The following NLRP1 variants were observed in gnomAD, a reference collection of about 807,000 sequenced individuals.
The protein encoded by NLRP1 is NACHT, LRR and PYD domains-containing protein 1.
A neutral mutation model predicts 136.7 loss-of-function variants in NLRP1; 94 were observed. The ratio of observed to expected loss-of-function variants is 0.69; its 90% CI spans 0.58 to 0.82. The LOEUF is 0.82. Ranked by LOEUF, NLRP1 falls within the 40% of genes least tolerant of loss-of-function variation. The pLI is 0.00. For missense variants in NLRP1, 1,575 were observed against 1,802.7 expected, an observed-to-expected ratio of 0.87 and a Z score of 2.29; for synonymous variants, 690 against 725.1, an observed-to-expected ratio of 0.95 and a Z score of 0.78.
chr17:5,578,909 C>T (rs1597487396), intron 3 of NLRP1, among the ~76,000 whole-genome samples: 2 of 152,298 alleles, frequency 1.3e-5, no homozygotes, highest in Admixed American at 1.3e-4. Context: ...GGCACATATA[C>T]ACCATGGAAT....
intron 4 of NLRP1, among the ~76,000 whole-genome samples, chr17:5,557,944 C>T (rs184176039): frequency 3.9e-5 from 6 of 152,012 alleles, no homozygotes; most frequent in South Asian, 2.1e-4. Flanking sequence ...GCAATTTCTC[C>T]GAGAGAATGA....
chr17:5,545,141 C>T (rs186493232), intron 5 of NLRP1, among the ~76,000 whole-genome samples: 1 of 152,234 alleles, frequency 6.6e-6, no homozygotes, highest in East Asian at 1.9e-4. Context: ...TTAAGGTCAG[C>T]TGCATTAAAC....
intron 5 of NLRP1, among the ~76,000 whole-genome samples, chr17:5,552,001 C>T (rs996444681): frequency 6.6e-6 from 1 of 151,562 alleles, no homozygotes; most frequent in Non-Finnish European, 1.5e-5. Context: ...TCTCAAACTC[C>T]TGGCCTAAGG....
At chr17:5,554,099 T>C (rs993981478) in intron 4 of NLRP1, among the ~76,000 whole-genome samples, 1 of 151,584 alleles carries the variant, frequency 6.6e-6, no homozygotes, top group Admixed American at 6.6e-5. Context: ...GGCCTGAGGA[T>C]GTTGTGATGG....
chr17:5,574,815 T>C (rs138166039), intron 3 of NLRP1, among the ~76,000 whole-genome samples: 2,696 of 151,916 alleles, frequency 0.018, 74 homozygotes, highest in African/African-American at 0.062. Flanking sequence ...GTGCCCGCCA[T>C]CACGCCCGGC....
At position 5,517,745 on chromosome 17, in the gene NLRP1, C is replaced by T. The variant is rs754501197; in HGVS notation, c.4057+1G>A. 6.1e-5 allele frequency: 98 copies of T among 1,614,038 alleles called. No individual in the cohort carries two copies. The highest frequency in any genetic ancestry group is 8.1e-5 in the Non-Finnish European group (96 of 1,180,014). On this transcript the variant is annotated splice_donor_variant, in intron 15 of 16. Transcript: ENST00000572272. LOFTEE classifies it high-confidence loss of function. The stretch of plus-strand genomic sequence containing the variant: ...GTTCTCTGGAATTGTCCTGGATTTA[C>T]CTGGTTTCACCAAGGCCTCCCACAC...
At chr17:5,521,250 TG>T (rs1263563575) in intron 13 of NLRP1, among the ~76,000 whole-genome samples, 2 of 152,216 alleles carry the variant, frequency 1.3e-5, no homozygotes, top group Admixed American at 6.5e-5. Context: ...GTTTTAGGCA[TG>T]GAGGACTCCA....
intron 3 of NLRP1, among the ~76,000 whole-genome samples, chr17:5,574,514 C>T (rs901671805): frequency 6.6e-6 from 1 of 152,038 alleles, no homozygotes. Flanking sequence ...GTCAGATTCA[C>T]CAAAGCTGAA....
intron 3 of NLRP1, among the ~76,000 whole-genome samples, chr17:5,577,554 G>GA (rs1905142105): frequency 6.6e-6 from 1 of 152,116 alleles, no homozygotes; most frequent in South Asian, 2.1e-4. Flanking sequence ...ACTTACAAAG[G>GA]ATGTGAAGGA....
chr17:5,507,817 C>T (rs762061542), intron 15 of NLRP1, among the ~76,000 whole-genome samples: 5 of 151,714 alleles, frequency 3.3e-5, no homozygotes, highest in Admixed American at 6.6e-5. Context: ...GGCAACAAAG[C>T]GAGACTCCGT....
At chr17:5,520,821 G>C in intron 14 of NLRP1, 60 bp downstream of exon 14, 1 of 1,443,816 alleles carries the variant, frequency 6.9e-7, no homozygotes. Context: ...TGCCCCACAG[G>C]CATTCATTCC....
intron 5 of NLRP1, among the ~76,000 whole-genome samples, chr17:5,550,720 C>T (rs1216281813): frequency 1.3e-5 from 2 of 151,826 alleles, no homozygotes; most frequent in African/African-American, 2.4e-5. Context: ...TATTTCTTTC[C>T]CCCTGCTTGC....
Position 5,514,405 on chromosome 17 carries a change from A to G in NLRP1, c.*349T>C. 8.9e-7 allele frequency: 1 copy of G among 1,126,010 alleles called. No homozygotes were observed. The highest frequency in any genetic ancestry group is 1.1e-6 in the Non-Finnish European group (1 of 913,474). 69.8% of individuals were successfully genotyped at this position (1,126,010 alleles called of 1,614,324 possible). ...TTGGGGCTCACCCTGTGACACAGCC[A>G]GAGGCAAATGGTTCCATGTCCCTCC... On this transcript the variant is annotated 3_prime_UTR_variant, in exon 17 of 17. Coordinates refer to ENST00000572272, the MANE Select transcript of NLRP1 (RefSeq NM_033004.4).
At position 5,514,408 on chromosome 17, in the gene NLRP1, G is replaced by A; in HGVS notation, c.*346C>T. 8.8e-7 allele frequency: 1 copy of A among 1,129,996 alleles called. No individual in the cohort carries two copies. The highest frequency in any genetic ancestry group is 1.1e-6 in the Non-Finnish European group (1 of 915,888). The allele number at this position is 1,129,996 out of a possible 1,614,324, so 70.0% of individuals were successfully genotyped here. A position where few individuals can be genotyped will look rare whatever the true frequency, so the allele number is the denominator to read the frequency against. ...GGGCTCACCCTGTGACACAGCCAGA[G>A]GCAAATGGTTCCATGTCCCTCCTAT... is the stretch of plus-strand genomic sequence containing the variant. On this transcript the variant is annotated 3_prime_UTR_variant, in exon 17 of 17. Coordinates refer to ENST00000572272, the MANE Select transcript of NLRP1 (RefSeq NM_033004.4).
chr17:5,576,653 G>T (rs115928004), intron 3 of NLRP1, among the ~76,000 whole-genome samples: 2,658 of 151,502 alleles, frequency 0.018, 63 homozygotes, highest in African/African-American at 0.061. Flanking sequence ...CAATCCAGAC[G>T]GATTCACAGC....
intron 15 of NLRP1, among the ~76,000 whole-genome samples, chr17:5,507,111 A>G (rs1907383090): frequency 6.6e-6 from 1 of 152,118 alleles, no homozygotes; most frequent in South Asian, 2.1e-4. Context: ...ATGGGGAATT[A>G]TTATTTAATG....
At chr17:5,557,697 C>T (rs376296993) in intron 4 of NLRP1, among the ~76,000 whole-genome samples, 3 of 152,120 alleles carry the variant, frequency 2.0e-5, no homozygotes, top group African/African-American at 4.8e-5. Context: ...GTCGGGGAAC[C>T]GGGATGGGGA....
chr17:5,577,501 C>T (rs1905139428), intron 3 of NLRP1, among the ~76,000 whole-genome samples: 1 of 152,220 alleles, frequency 6.6e-6, no homozygotes, highest in Non-Finnish European at 1.5e-5. Context: ...AGTGAACTTG[C>T]ATTCACAATT....
chr17:5,570,855 A>G (rs753219533), intron 3 of NLRP1, among the ~76,000 whole-genome samples: 1 of 152,204 alleles, frequency 6.6e-6, no homozygotes, highest in Non-Finnish European at 1.5e-5. Context: ...AGCTGCAAAA[A>G]TCTTCAGCAA....
Sources: gnomAD v4.1 joint callset for allele counts (sites outside exome capture counted in the v4.1 genomes callset) on GRCh38, gnomAD v4.1.1 for gene constraint, MANE v1.5 for transcripts, NCBI Gene and HGNC (gene_info 2026-07-23, HGNC 2026-07-21) for gene names.